Variants in FNIP2 observed in about 807,000 individuals in gnomAD.
FNIP2 encodes folliculin-interacting protein 2.
Under a neutral mutation model 108.7 loss-of-function variants are expected in FNIP2, and 32 were observed. That is an observed-to-expected ratio of 0.29 (90% CI 0.22 to 0.40). The LOEUF (loss-of-function observed/expected upper bound fraction) is 0.40, where lower values mean the gene tolerates loss of function less well. FNIP2 is among the 10% of genes least tolerant of loss of function. The pLI is 1.00. For synonymous variants in FNIP2, 480 were observed against 496.7 expected, an observed-to-expected ratio of 0.97 and a Z score of 0.45; for missense variants, 1,202 against 1,381.6, an observed-to-expected ratio of 0.87 and a Z score of 2.06.
At chr4:158,892,047 G>A (rs142449578) in intron 15 of FNIP2, among the ~76,000 whole-genome samples, 254 of 152,030 alleles carry the variant, frequency 1.7e-3, no homozygotes, top group African/African-American at 5.7e-3. Context: ...TTTCACAAAG[G>A]TGTTAAGGAT....
chr4:158,904,171 A>AAGTT (rs1170661375), intron 16 of FNIP2, among the ~76,000 whole-genome samples: 2 of 152,198 alleles, frequency 1.3e-5, no homozygotes, highest in Non-Finnish European at 2.9e-5. Flanking sequence ...GAATACAGGA[A>AAGTT]AGTTAGAAAG....
chr4:158,800,237 T>C (rs754283607), intron 1 of FNIP2, among the ~76,000 whole-genome samples: 2 of 152,214 alleles, frequency 1.3e-5, no homozygotes, highest in African/African-American at 2.4e-5. Flanking sequence ...ATGTGTACTT[T>C]AAAAATTCCT....
chr4:158,870,037 G>T (rs927194333), intron 13 of FNIP2, among the ~76,000 whole-genome samples: 1 of 152,180 alleles, frequency 6.6e-6, no homozygotes, highest in Non-Finnish European at 1.5e-5. Flanking sequence ...CATTTTCTTT[G>T]GTCAGTATTT....
intron 1 of FNIP2, among the ~76,000 whole-genome samples, chr4:158,779,436 T>C (rs963571821): frequency 2.6e-5 from 4 of 152,172 alleles, no homozygotes; most frequent in African/African-American, 7.2e-5. Flanking sequence ...CAACAGTTGG[T>C]ATCTACAAGA....
At chr4:158,839,761 G>C (rs902166122) in intron 7 of FNIP2, among the ~76,000 whole-genome samples, 7 of 152,144 alleles carry the variant, frequency 4.6e-5, no homozygotes, top group African/African-American at 1.7e-4. Flanking sequence ...CTCTATCTGT[G>C]AGGGGTTGGG....
chr4:158,861,780 A>G lies in FNIP2; in HGVS notation c.1465+4A>G, dbSNP rs1323085661. ...AATCCTCTTTGGGCACAGCTGGGTT[A>G]GTACCTAATTTGACTATTCAGAGAA... On this transcript the variant is annotated splice_donor_region_variant and intron_variant, in intron 12 of 16. Transcript: ENST00000264433. The G allele has an allele frequency of 1.2e-6, 2 of 1,613,862 alleles. No individual in the cohort carries two copies. The highest frequency in any genetic ancestry group is 1.7e-6 in the Non-Finnish European group (2 of 1,179,874).
intron 12 of FNIP2, among the ~76,000 whole-genome samples, chr4:158,863,174 G>A (rs750887980): frequency 1.2e-4 from 18 of 152,210 alleles, no homozygotes; most frequent in Non-Finnish European, 1.6e-4. Flanking sequence ...CCTGGTCGGC[G>A]AAGGCCTGTG....
Position 158,891,559 on chromosome 4 carries a change from A to T in FNIP2, c.3063A>T (p.Leu1021=), listed in dbSNP as rs1410495311. The T allele has an allele frequency of 6.2e-7, 1 of 1,612,364 alleles. No individual in the cohort carries two copies. Among genetic ancestry groups the T allele is most frequent in the Admixed American group, 1.7e-5 (1 of 59,774 alleles). ...GGAAAGTGACGGACAACATGAAACT[A>T]GGCCAGGATGTCCTGGTCTCTAGTC... ...SQRKVTDNMK[L]GQDVLVSSQV... The change falls in exon 15 of 17, where the codon CTA becomes CTT. Residue 1021 remains leucine, a synonymous_variant. Coordinates refer to ENST00000264433, the MANE Select transcript of FNIP2 (RefSeq NM_020840.3).
intron 16 of FNIP2, among the ~76,000 whole-genome samples, chr4:158,902,450 G>T (rs1729403256): frequency 6.6e-6 from 1 of 152,226 alleles, no homozygotes; most frequent in African/African-American, 2.4e-5. Flanking sequence ...TCCCAGTCAG[G>T]ATACACAGGG....
Position 158,859,489 on chromosome 4 carries a change from G to T in FNIP2, c.1060-89G>T. 2.5e-6 allele frequency: 3 copies of T among 1,185,112 alleles called. No homozygotes were observed. In the Admixed American group the frequency reaches 6.7e-5, roughly 27 times the overall value. 73.4% of individuals were successfully genotyped at this position (1,185,112 alleles called of 1,614,324 possible). On this transcript the variant is annotated intron_variant, in intron 9 of 16. Transcript: ENST00000264433. Reference sequence around the variant, plus strand: ...ATTATTACCTTGAGTGTTGTTAATTGATTACATAATTTTTTTTATTAATAC... The same window carrying T: ...ATTATTACCTTGAGTGTTGTTAATTTATTACATAATTTTTTTTATTAATAC...
chr4:158,769,279 T>G lies in FNIP2; in HGVS notation c.67T>G (p.Ser23Ala). Reference protein sequence around the residue: ...RGSSGSSAAASAQGRAPKEGP... With the variant: ...RGSSGSSAAAAAQGRAPKEGP... ...CAGCAGCGGCAGCTCCGCGGCGGCG[T>G]CTGCCCAGGGCAGGGCTCCTAAGGA... The change falls in exon 1 of 17, where the codon TCT (serine) becomes GCT (alanine). Residue 23 changes from serine to alanine, a missense_variant. By Grantham distance (99) the Ser-to-Ala change is moderately conservative. This residue lies in a region of FNIP2 where 173 missense variants were observed against 165.9 expected (regional missense o/e 1.04). Coordinates refer to ENST00000264433, the MANE Select transcript of FNIP2 (RefSeq NM_020840.3). 2 of 1,542,252 alleles carry G rather than the reference T, an allele frequency of 1.3e-6. No individual in the cohort carries two copies. The highest frequency in any genetic ancestry group is 1.7e-6 in the Non-Finnish European group (2 of 1,147,992).
chr4:158,859,393 A>G (rs1780160994), intron 9 of FNIP2, 135 bp downstream of exon 9: 1 of 1,125,394 alleles, frequency 8.9e-7, no homozygotes, highest in African/African-American at 1.6e-5. Flanking sequence ...AATTTTAGGC[A>G]TGTTGATGTT....
chr4:158,793,229 AGCT>A (rs1415275046), intron 1 of FNIP2, among the ~76,000 whole-genome samples: 1 of 152,254 alleles, frequency 6.6e-6, no homozygotes, highest in Non-Finnish European at 1.5e-5. Flanking sequence ...TACAAGGTGC[AGCT>A]GTCTGTGCAA....
chr4:158,869,462 G>A, intron 13 of FNIP2, 34 bp downstream of exon 13: 1 of 1,537,208 alleles, frequency 6.5e-7, no homozygotes, highest in Non-Finnish European at 8.7e-7. Flanking sequence ...AGAGGGAACT[G>A]GGTTCAAATC....
intron 3 of FNIP2, among the ~76,000 whole-genome samples, chr4:158,829,611 A>G (rs1560783135): frequency 6.6e-6 from 1 of 152,194 alleles, no homozygotes; most frequent in East Asian, 1.9e-4. Context: ...CATACCAGTA[A>G]AAGGAAGAAA....
intron 7 of FNIP2, among the ~76,000 whole-genome samples, chr4:158,846,010 A>T (rs77979270): frequency 0.046 from 7,009 of 152,264 alleles, 408 homozygotes; most frequent in African/African-American, 0.14. Context: ...CTCATAATTA[A>T]CTAATTAGAA....
chr4:158,806,969 A>G lies in FNIP2; in HGVS notation c.108-18947A>G, dbSNP rs919670257. Among the ~76,000 whole-genome samples, 4 of 152,208 alleles carry G rather than the reference A, an allele frequency of 2.6e-5. No homozygotes were observed. The South Asian group carries it at 6.2e-4, about 24-fold the overall frequency. ...ATGGAGCTTGTCTAAAAAGAATAGC[A>G]TACTTATAATATTCTTTTTGGTTTA... On this transcript the variant is annotated intron_variant, in intron 1 of 16. Transcript: ENST00000264433.
At chr4:158,898,456 C>A (rs191622995) in intron 16 of FNIP2, among the ~76,000 whole-genome samples, 79 of 152,156 alleles carry the variant, frequency 5.2e-4, no homozygotes, top group African/African-American at 1.8e-3. Flanking sequence ...AATATTGATT[C>A]TTCCTATCCA....
chr4:158,886,984 A>G (rs1782053620), intron 14 of FNIP2, among the ~76,000 whole-genome samples: 1 of 152,226 alleles, frequency 6.6e-6, no homozygotes, highest in African/African-American at 2.4e-5. Context: ...AATCTTACTA[A>G]ACTGACAGGT....
Sources: allele counts gnomAD v4.1 joint callset (sites outside exome capture counted in the v4.1 genomes callset), GRCh38; gene constraint gnomAD v4.1.1; regional missense constraint gnomAD v4.1.1; transcripts MANE v1.5; gene names NCBI Gene and HGNC (gene_info 2026-07-23, HGNC 2026-07-21).